Variants in TRAPPC9 observed in about 807,000 individuals in gnomAD.
TRAPPC9 encodes IKK2 binding protein.
In TRAPPC9, 83 loss-of-function variants were observed where a neutral mutation model predicts 124.0. That is an observed-to-expected ratio of 0.67 (90% CI 0.56 to 0.80). TRAPPC9 has a LOEUF of 0.80. Among genes scored for constraint, TRAPPC9 ranks in the 30% least tolerant of loss-of-function variants. The pLI, the probability that TRAPPC9 is intolerant of heterozygous loss-of-function variation, is 0.00. For missense variants in TRAPPC9, 1,302 were observed against 1,508.3 expected, an observed-to-expected ratio of 0.86 and a Z score of 2.27; for synonymous variants, 638 against 617.5, an observed-to-expected ratio of 1.03 and a Z score of -0.49.
intron 21 of TRAPPC9, among the ~76,000 whole-genome samples, chr8:139,839,623 G>T (rs1256157704): frequency 6.6e-6 from 1 of 152,226 alleles, no homozygotes; most frequent in Non-Finnish European, 1.5e-5. Flanking sequence ...CACAGTAACT[G>T]CTCCCCGAAA....
At chr8:140,011,264 C>T (rs1026229741) in intron 18 of TRAPPC9, among the ~76,000 whole-genome samples, 4 of 151,838 alleles carry the variant, frequency 2.6e-5, no homozygotes, top group Non-Finnish European at 4.4e-5. Context: ...ATCACTTGAA[C>T]CCAGGAGGCA....
intron 3 of TRAPPC9, among the ~76,000 whole-genome samples, chr8:140,435,743 T>C (rs914452648): frequency 6.6e-6 from 1 of 152,224 alleles, no homozygotes; most frequent in Non-Finnish European, 1.5e-5. Flanking sequence ...TTTGAGGTTG[T>C]AGTCCTCCCT....
chr8:139,801,750 T>C (rs1358275681), intron 21 of TRAPPC9, among the ~76,000 whole-genome samples: 1 of 152,208 alleles, frequency 6.6e-6, no homozygotes, highest in Non-Finnish European at 1.5e-5. Flanking sequence ...TCAGTTATGC[T>C]GTGTTACCTC....
chr8:140,294,819 C>G (rs1223864192), intron 11 of TRAPPC9, among the ~76,000 whole-genome samples: 1 of 152,080 alleles, frequency 6.6e-6, no homozygotes, highest in African/African-American at 2.4e-5. Context: ...CCATGTTGGC[C>G]AGGCTAGTCT....
intron 18 of TRAPPC9, among the ~76,000 whole-genome samples, chr8:140,007,806 T>C (rs984066827): frequency 2.6e-5 from 4 of 152,240 alleles, no homozygotes; most frequent in Non-Finnish European, 2.9e-5. Context: ...TATTTAGTAA[T>C]ATACCAATCT....
intron 18 of TRAPPC9, among the ~76,000 whole-genome samples, chr8:140,022,783 AG>A (rs1426933451): frequency 6.6e-6 from 1 of 152,228 alleles, no homozygotes; most frequent in African/African-American, 2.4e-5. Flanking sequence ...TTGGCAGGAA[AG>A]GCTCTTACTC....
intron 17 of TRAPPC9, among the ~76,000 whole-genome samples, chr8:140,054,758 T>G (rs1463376652): frequency 6.6e-6 from 1 of 151,926 alleles, no homozygotes; most frequent in African/African-American, 2.4e-5. Context: ...AGAAGATGAC[T>G]ATGAACCATT....
intron 17 of TRAPPC9, among the ~76,000 whole-genome samples, chr8:140,047,459 C>T (rs910481933): frequency 7.9e-5 from 12 of 152,212 alleles, no homozygotes; most frequent in African/African-American, 1.2e-4. Flanking sequence ...GGGTGAAAGG[C>T]GGGTCCCCAG....
Position 140,017,021 on chromosome 8 carries a change from C to T in TRAPPC9, c.2699+6916G>A, listed in dbSNP as rs571783898. On this transcript the variant is annotated intron_variant, in intron 18 of 22. Transcript: ENST00000438773. The stretch of plus-strand genomic sequence containing the variant: ...GTAGTATCTAATTGGGGTTTTAATT[C>T]GCATTTCTCTAATGATTAATAATGT... Among the ~76,000 whole-genome samples the T allele has an allele frequency of 1.2e-4, 19 of 152,170 alleles. No homozygotes were observed. The South Asian group carries it at 1.7e-3, about 13-fold the overall frequency.
intron 17 of TRAPPC9, among the ~76,000 whole-genome samples, chr8:140,103,951 G>A (rs2060623370): frequency 6.6e-6 from 1 of 152,190 alleles, no homozygotes; most frequent in African/African-American, 2.4e-5. Context: ...TGATTCCTGA[G>A]CAACAGAAAT....
chr8:140,415,047 T>C lies in TRAPPC9; in HGVS notation c.887-9349A>G, dbSNP rs183016232. Among the ~76,000 whole-genome samples, 629 of 151,970 alleles carry C rather than the reference T, an allele frequency of 4.1e-3. 6 individuals are homozygous for C. The highest frequency in any genetic ancestry group is 0.014 in the African/African-American group (601 of 41,470). ...GAGCCACCACGCCTGGCCTAGAAAT[T>C]AGAAAATACTTTGATTAGCTGGGTA... On this transcript the variant is annotated intron_variant, in intron 5 of 22. Coordinates refer to ENST00000438773, the MANE Select transcript of TRAPPC9 (RefSeq NM_001160372.4).
At chr8:140,288,558 G>T (rs2065556223) in intron 12 of TRAPPC9, among the ~76,000 whole-genome samples, 1 of 152,084 alleles carries the variant, frequency 6.6e-6, no homozygotes, top group African/African-American at 2.4e-5. Flanking sequence ...TGTAACAGAG[G>T]TCCTACTCAG....
intron 10 of TRAPPC9, among the ~76,000 whole-genome samples, chr8:140,307,716 G>C (rs1416743426): frequency 1.3e-5 from 2 of 152,154 alleles, no homozygotes; most frequent in African/African-American, 2.4e-5. Flanking sequence ...CTGTTAATGA[G>C]ACTGGGGCAG....
At chr8:140,210,010 AATGATGGG>A (rs1263720568) in intron 17 of TRAPPC9, among the ~76,000 whole-genome samples, 2 of 152,344 alleles carry the variant, frequency 1.3e-5, no homozygotes, top group East Asian at 3.9e-4. Flanking sequence ...TTTCCACTTG[AATGATGGG>A]AAGTTGTAGT....
intron 17 of TRAPPC9, among the ~76,000 whole-genome samples, chr8:140,102,150 T>G (rs972691263): frequency 1.3e-5 from 2 of 152,192 alleles, no homozygotes; most frequent in African/African-American, 4.8e-5. Flanking sequence ...TTAATGTAAC[T>G]TATGATGCTT....
At chr8:139,843,383 C>G (rs930639700) in intron 21 of TRAPPC9, among the ~76,000 whole-genome samples, 1 of 152,186 alleles carries the variant, frequency 6.6e-6, no homozygotes, top group African/African-American at 2.4e-5. Context: ...AAGGGAGAAG[C>G]CTTGAAATGC....
intron 17 of TRAPPC9, among the ~76,000 whole-genome samples, chr8:140,050,950 G>A (rs1474375499): frequency 6.6e-6 from 1 of 152,220 alleles, no homozygotes; most frequent in Non-Finnish European, 1.5e-5. Context: ...TGTCTTCCAC[G>A]CTGAAGGAAC....
intron 5 of TRAPPC9, among the ~76,000 whole-genome samples, chr8:140,409,101 T>C (rs1175490684): frequency 2.7e-5 from 4 of 150,414 alleles, no homozygotes; most frequent in East Asian, 2.0e-4. Context: ...TCCACATACA[T>C]CAAGGTCACA....
rs537352048 is a variant in TRAPPC9 at position 140,333,719 on chromosome 8, T to C, written c.1496-22345A>G. On this transcript the variant is annotated intron_variant, in intron 9 of 22. Transcript: ENST00000438773. ...AAAACTATATTTTAAATGCTCAAAA[T>C]TGAATTTTCAAAAAGGTTTTACAAC... 8.5e-5 allele frequency among the ~76,000 whole-genome samples: 13 copies of C among 152,386 alleles called. No homozygotes were observed. In the South Asian group the frequency reaches 2.3e-3, roughly 27 times the overall value.
Sources: allele counts gnomAD v4.1 joint callset (sites outside exome capture counted in the v4.1 genomes callset), GRCh38; gene constraint gnomAD v4.1.1; transcripts MANE v1.5; gene names NCBI Gene and HGNC (gene_info 2026-07-23, HGNC 2026-07-21).